Variants in UNC79 observed in about 807,000 individuals in gnomAD.
UNC79 encodes the protein protein unc-79 homolog.
In UNC79, 37 loss-of-function variants were observed where a neutral mutation model predicts 283.1. The ratio of observed to expected loss-of-function variants is 0.13; its 90% CI spans 0.10 to 0.17. The LOEUF is 0.17. UNC79 is among the 10% of genes least tolerant of loss of function. UNC79 has a pLI of 1.00. For synonymous variants in UNC79, 1,107 were observed against 1,200.2 expected, an observed-to-expected ratio of 0.92 and a Z score of 1.61; for missense variants, 2,272 against 3,211.1, an observed-to-expected ratio of 0.71 and a Z score of 7.07.
intron 14 of UNC79, among the ~76,000 whole-genome samples, chr14:93,565,623 A>G (rs924082386): frequency 6.6e-6 from 1 of 152,170 alleles, no homozygotes; most frequent in Admixed American, 6.5e-5. Context: ...AGGGACTCAA[A>G]TATAGAAGTA....
At chr14:93,622,588 C>T in exon 30 of UNC79, 1 of 1,614,058 alleles carries the variant, frequency 6.2e-7, no homozygotes, top group South Asian at 1.1e-5. Context: ...GGGCAAAAAC[C>T]GTCCTCCTCA....
intron 1 of UNC79, among the ~76,000 whole-genome samples, chr14:93,404,493 A>AAAAAAAAAAAAAAAATATATATAT: frequency 1.3e-4 from 8 of 61,494 alleles, no homozygotes; most frequent in African/African-American, 4.7e-4. Context: ...TTCTAAAAAA[A>AAAAAAAAAAAAAAAATATATATAT]ATATATATAT....
chr14:93,374,649 C>A (rs10131677), intron 1 of UNC79, among the ~76,000 whole-genome samples: 2 of 151,916 alleles, frequency 1.3e-5, no homozygotes, highest in African/African-American at 4.8e-5. Context: ...AGCGATCCTC[C>A]CACCTCAGCC....
Position 93,370,944 on chromosome 14 carries a change from A to G in UNC79, c.-351+37421A>G, listed in dbSNP as rs182942552. Among the ~76,000 whole-genome samples, 408 of 152,300 alleles carry G rather than the reference A, an allele frequency of 2.7e-3. 1 individual carries two copies. The highest frequency in any genetic ancestry group is 9.3e-3 in the African/African-American group (386 of 41,564). ...CTAGAGGGAGAAGATAGAAAAAAAA[A>G]TAGAAGAATTATTTGAAAAGATAGT... is the stretch of plus-strand genomic sequence containing the variant. On this transcript the variant is annotated intron_variant, in intron 1 of 49. Transcript: ENST00000256339.
At chr14:93,699,158 G>A (rs1815508948) in intron 47 of UNC79, among the ~76,000 whole-genome samples, 1 of 152,022 alleles carries the variant, frequency 6.6e-6, no homozygotes, top group African/African-American at 2.4e-5. Context: ...TTTTGATTGA[G>A]GTTTTTAGAT....
intron 30 of UNC79, 113 bp downstream of exon 32, chr14:93,622,954 G>A (rs1447416402): frequency 1.5e-6 from 2 of 1,359,228 alleles, no homozygotes; most frequent in Admixed American, 4.8e-5. Flanking sequence ...ATGTCAGGGT[G>A]TGACATTATA....
chr14:93,365,126 C>A (rs1820635143), intron 1 of UNC79, among the ~76,000 whole-genome samples: 1 of 152,098 alleles, frequency 6.6e-6, no homozygotes, highest in African/African-American at 2.4e-5. Flanking sequence ...TGACTCACGC[C>A]TGTAATCCCA....
Position 93,452,006 on chromosome 14 carries a change from T to C in UNC79, c.23-15665T>C, listed in dbSNP as rs927571011. ...ACATTTTAGTTGTGTATGTTTTAGA[T>C]GATTGTCTTCACTTTGCAGTCCTGA... On this transcript the variant is annotated intron_variant, in intron 1 of 48. Transcript: ENST00000555664. Among the ~76,000 whole-genome samples, 7 of 152,232 alleles carry C rather than the reference T, an allele frequency of 4.6e-5. No homozygotes were observed. The East Asian group carries it at 1.2e-3, about 25-fold the overall frequency.
chr14:93,637,778 T>C (rs1213730031), intron 32 of UNC79, among the ~76,000 whole-genome samples: 1 of 152,222 alleles, frequency 6.6e-6, no homozygotes. Context: ...TTTTTGGACA[T>C]TGCTTATTCC....
chr14:93,442,918 A>G (rs543560304), intron 1 of UNC79, among the ~76,000 whole-genome samples: 11 of 152,222 alleles, frequency 7.2e-5, no homozygotes, highest in East Asian at 3.9e-4. Flanking sequence ...GCAAAACCCT[A>G]TATCTACTAA....
At chr14:93,347,282 G>C (rs144352893) in intron 1 of UNC79, 23 of 1,604,710 alleles carry the variant, frequency 1.4e-5, no homozygotes, top group Non-Finnish European at 1.7e-5. Flanking sequence ...CCTCTCCTGC[G>C]TGGGCGCTGT....
chr14:93,527,356 C>T (rs2060591673), intron 8 of UNC79, among the ~76,000 whole-genome samples: 1 of 152,204 alleles, frequency 6.6e-6, no homozygotes, highest in African/African-American at 2.4e-5. Context: ...GTAGTTGTGA[C>T]AGAGACTGTG....
intron 47 of UNC79, among the ~76,000 whole-genome samples, chr14:93,702,935 G>T (rs977460635): frequency 6.6e-6 from 1 of 152,204 alleles, no homozygotes; most frequent in Non-Finnish European, 1.5e-5. Flanking sequence ...TGCTGCCACG[G>T]TGATCTGTCT....
chr14:93,567,141 G>A (rs2062940275), intron 14 of UNC79, among the ~76,000 whole-genome samples: 1 of 152,198 alleles, frequency 6.6e-6, no homozygotes, highest in African/African-American at 2.4e-5. Flanking sequence ...CCAGTCAAAT[G>A]TAGCCAACTG....
chr14:93,460,093 C>T, intron 1 of UNC79, among the ~76,000 whole-genome samples: 1 of 127,466 alleles, frequency 7.8e-6, no homozygotes, highest in Non-Finnish European at 1.7e-5. Context: ...CTTTGGGAGG[C>T]CAAGGCGGGC....
chr14:93,580,815 C>T (rs2063752580), intron 19 of UNC79, among the ~76,000 whole-genome samples: 1 of 152,162 alleles, frequency 6.6e-6, no homozygotes, highest in Non-Finnish European at 1.5e-5. Context: ...AGGTGATTCT[C>T]CCACTTCAGC....
At chr14:93,579,786 C>T (rs940700393) in intron 18 of UNC79, among the ~76,000 whole-genome samples, 9 of 152,176 alleles carry the variant, frequency 5.9e-5, no homozygotes, top group Admixed American at 5.9e-4. Context: ...TTTAGCAGCT[C>T]ATGGTATTTA....
chr14:93,370,367 G>A (rs2054417094), intron 1 of UNC79, among the ~76,000 whole-genome samples: 2 of 151,918 alleles, frequency 1.3e-5, no homozygotes, highest in African/African-American at 4.8e-5. Flanking sequence ...TTAAGAAAGA[G>A]CCAAAAAAAA....
rs987291181 is a variant in UNC79, at chr14:93,621,628, A to G, written c.4395A>G (p.Ile1465Met). The change falls in exon 30 of 49, where the codon ATA (isoleucine) becomes ATG (methionine). Residue 1465 changes from isoleucine to methionine, a missense_variant. Ile to Met is a conservative substitution (Grantham distance 10). Coordinates refer to ENST00000555664, the Ensembl canonical transcript of UNC79. This position sits in a 1 kb window ranked among gnomAD's most constrained non-coding sequence, Gnocchi z 4.8. ...TTTTTCTGTTTTGATCAGGTGAAAT[A>G]GAACTGGCTGAATATAGAGAGACGG... The G allele has an allele frequency of 3.7e-5, 57 of 1,553,544 alleles. No homozygotes were observed. Among genetic ancestry groups the G allele is most frequent in the Non-Finnish European group, 4.9e-5 (56 of 1,154,244 alleles).
Sources: gnomAD v4.1 joint callset for allele counts (sites outside exome capture counted in the v4.1 genomes callset) on GRCh38, gnomAD v4.1.1 for gene constraint, Gnocchi (gnomAD v3.1) non-coding constraint, MANE v1.5 for transcripts, NCBI Gene and HGNC (gene_info 2026-07-23, HGNC 2026-07-21) for gene names.